The following MACROD2 variants were observed in gnomAD, a reference collection of about 807,000 sequenced individuals.
MACROD2 encodes ADP-ribose glycohydrolase MACROD2.
In MACROD2, 36 loss-of-function variants were observed where a neutral mutation model predicts 70.4. The observed-to-expected ratio is 0.51, with a 90% CI of 0.39 to 0.68. The LOEUF is 0.68. Among genes scored for constraint, MACROD2 ranks in the 30% least tolerant of loss-of-function variants. The pLI is 0.00. For synonymous variants in MACROD2, 172 were observed against 178.8 expected (o/e 0.96, Z 0.30); for missense variants, 496 against 538.4 (o/e 0.92, Z 0.78).
chr20:15,297,226 T>C (rs1419648537), intron 6 of MACROD2, among the ~76,000 whole-genome samples: 1 of 152,200 alleles, frequency 6.6e-6, no homozygotes, highest in East Asian at 1.9e-4. Context: ...GGGAGAGTTA[T>C]TGCCTGTTGA....
In MACROD2 at chr20:14,383,026, T is replaced by C. The variant is rs559880155; in HGVS notation, c.272-110453T>C. On this transcript the variant is annotated intron_variant, in intron 3 of 17. Transcript: ENST00000684519. ...ACTGGAAACAAATGCACCACACTTT[T>C]GGGAACACTGCCCTAACGCTAAGTC... Among the ~76,000 whole-genome samples, 7 of 152,342 alleles carry C rather than the reference T, an allele frequency of 4.6e-5. No homozygotes were observed. In the East Asian group the frequency reaches 1.2e-3, roughly 25 times the overall value.
intron 6 of MACROD2, among the ~76,000 whole-genome samples, chr20:15,358,029 C>CT (rs1338627824): frequency 6.6e-6 from 1 of 152,120 alleles, no homozygotes; most frequent in East Asian, 1.9e-4. Flanking sequence ...AGGATGGTCT[C>CT]TATCTCCTGA....
chr20:14,610,797 G>A (rs1007179918), intron 4 of MACROD2, among the ~76,000 whole-genome samples: 1 of 151,914 alleles, frequency 6.6e-6, no homozygotes, highest in African/African-American at 2.4e-5. Context: ...AAAATGCTTT[G>A]AAAATGGTCA....
In MACROD2 at chr20:13,995,857, T is replaced by TTTTGGGG; in HGVS notation, c.46+48_46+49insTTTGGGG. ...GGGGTGCGGGCGGTGGGGGTTAGGG[T>TTTTGGGG]GGGGGCGGGGGTCAGGCTGTGTGTG... On this transcript the variant is annotated intron_variant, in intron 1 of 17. Coordinates refer to ENST00000684519, the MANE Select transcript of MACROD2 (RefSeq NM_001351661.2). This position sits in a 1 kb window ranked among gnomAD's most constrained non-coding sequence, Gnocchi z 4.3. 3.5e-6 allele frequency: 1 copy of TTTTGGGG among 284,154 alleles called. No homozygotes were observed. The highest frequency in any genetic ancestry group is 6.5e-6 in the Non-Finnish European group (1 of 155,026). The allele number at this position is 284,154 out of a possible 1,614,324, so 17.6% of individuals were successfully genotyped here. A position where few individuals can be genotyped will look rare whatever the true frequency, so the allele number is the denominator to read the frequency against.
intron 3 of MACROD2, among the ~76,000 whole-genome samples, chr20:14,400,453 G>A (rs2083626045): frequency 6.6e-6 from 1 of 152,138 alleles, no homozygotes; most frequent in African/African-American, 2.4e-5. Flanking sequence ...TGCATGTGCT[G>A]ATCAGTACTA....
intron 8 of MACROD2, among the ~76,000 whole-genome samples, chr20:15,566,166 C>T (rs2048307371): frequency 1.3e-5 from 2 of 152,076 alleles, no homozygotes; most frequent in Non-Finnish European, 2.9e-5. Context: ...TCCATTTACT[C>T]ATTAGTGAAA....
At chr20:14,569,050 T>C (rs1358044785) in intron 4 of MACROD2, among the ~76,000 whole-genome samples, 1 of 151,994 alleles carries the variant, frequency 6.6e-6, no homozygotes, top group East Asian at 1.9e-4. Flanking sequence ...AAATTCTGTT[T>C]TGCTTCAAAA....
At chr20:15,903,785 T>C (rs1366292563) in intron 10 of MACROD2, among the ~76,000 whole-genome samples, 6 of 152,182 alleles carry the variant, frequency 3.9e-5, no homozygotes, top group Non-Finnish European at 8.8e-5. Context: ...TTCTGGTTAT[T>C]GTGTTGAGAA....
chr20:15,364,610 A>G (rs1211173134), intron 6 of MACROD2, among the ~76,000 whole-genome samples: 1 of 152,256 alleles, frequency 6.6e-6, no homozygotes, highest in African/African-American at 2.4e-5. Context: ...ATTTAATACC[A>G]AATTGATGGC....
chr20:14,901,632 CTG>C (rs2073895608), intron 5 of MACROD2, among the ~76,000 whole-genome samples: 1 of 152,084 alleles, frequency 6.6e-6, no homozygotes, highest in Non-Finnish European at 1.5e-5. Flanking sequence ...TTACAATATG[CTG>C]TATATTTAAA....
intron 4 of MACROD2, among the ~76,000 whole-genome samples, chr20:14,611,235 A>G (rs1983138248): frequency 6.6e-6 from 1 of 152,134 alleles, no homozygotes; most frequent in South Asian, 2.1e-4. Context: ...TATCTGTGAA[A>G]TGACAATAAT....
intron 7 of MACROD2, among the ~76,000 whole-genome samples, chr20:15,450,602 T>G (rs953216700): frequency 6.6e-6 from 1 of 152,160 alleles, no homozygotes; most frequent in Non-Finnish European, 1.5e-5. Flanking sequence ...TCAGTTTTAA[T>G]ATAGTCTCCA....
intron 5 of MACROD2, among the ~76,000 whole-genome samples, chr20:14,923,588 A>C (rs1340639751): frequency 6.6e-6 from 1 of 152,022 alleles, no homozygotes; most frequent in Non-Finnish European, 1.5e-5. Context: ...TTCTCTATAA[A>C]GTCTCTTAGA....
intron 5 of MACROD2, among the ~76,000 whole-genome samples, chr20:14,865,692 A>C (rs977385481): frequency 1.3e-5 from 2 of 152,108 alleles, no homozygotes; most frequent in Non-Finnish European, 2.9e-5. Flanking sequence ...TAAATGTATT[A>C]TATACCAGAT....
chr20:15,825,501 T>G (rs1474381181), intron 8 of MACROD2, among the ~76,000 whole-genome samples: 4 of 151,514 alleles, frequency 2.6e-5, no homozygotes, highest in African/African-American at 9.7e-5. Context: ...TTTTTTGTTG[T>G]TGGTTTTTTT....
chr20:15,712,748 G>A (rs1173000181), intron 8 of MACROD2, among the ~76,000 whole-genome samples: 1 of 152,146 alleles, frequency 6.6e-6, no homozygotes, highest in East Asian at 1.9e-4. Flanking sequence ...ACTAGCCCTG[G>A]TAATAAGAAC....
intron 3 of MACROD2, among the ~76,000 whole-genome samples, chr20:14,140,204 T>C (rs1185106776): frequency 6.6e-6 from 1 of 152,224 alleles, no homozygotes; most frequent in African/African-American, 2.4e-5. Context: ...AAGTGGTTTG[T>C]CATTTACTAG....
At chr20:14,896,795 C>T (rs1249026897) in intron 5 of MACROD2, among the ~76,000 whole-genome samples, 1 of 152,134 alleles carries the variant, frequency 6.6e-6, no homozygotes, top group Non-Finnish European at 1.5e-5. Context: ...AAATGCCAGT[C>T]CACATGATGA....
At chr20:15,670,204 A>C (rs2049960504) in intron 8 of MACROD2, among the ~76,000 whole-genome samples, 1 of 152,218 alleles carries the variant, frequency 6.6e-6, no homozygotes, top group Non-Finnish European at 1.5e-5. Flanking sequence ...GCAACAGTTA[A>C]ATAGAGTTAA....
Sources: allele counts gnomAD v4.1 joint callset (sites outside exome capture counted in the v4.1 genomes callset), GRCh38; gene constraint gnomAD v4.1.1; non-coding constraint Gnocchi (gnomAD v3.1); transcripts MANE v1.5; gene names NCBI Gene and HGNC (gene_info 2026-07-23, HGNC 2026-07-21).